PCDHGA9: variants seen among roughly 807,000 people sequenced by gnomAD.
The protein encoded by PCDHGA9 is protocadherin gamma-A9.
A neutral mutation model predicts 62.5 loss-of-function variants in PCDHGA9; 37 were observed. The observed-to-expected ratio is 0.59, with a 90% confidence interval of 0.46 to 0.78. The LOEUF is 0.78. Among genes scored for constraint, PCDHGA9 ranks in the 30% least tolerant of loss-of-function variants. PCDHGA9 has a pLI of 0.00. For missense variants in PCDHGA9, 1,138 were observed against 1,166.2 expected, an observed-to-expected ratio of 0.98 and a Z score of 0.35; for synonymous variants, 459 against 484.6, an observed-to-expected ratio of 0.95 and a Z score of 0.69.
intron 1 of PCDHGA9, among the ~76,000 whole-genome samples, chr5:141,437,228 A>C (rs1410620126): frequency 6.6e-6 from 1 of 152,228 alleles, no homozygotes; most frequent in Non-Finnish European, 1.5e-5. Context: ...CCAGTCATAA[A>C]ATTATGTCAA....
Position 141,476,735 on chromosome 5 carries a change from G to C in PCDHGA9, c.2425-18072G>C, listed in dbSNP as rs1267556668. The C allele has an allele frequency of 6.2e-7, 1 of 1,613,974 alleles. No individual in the cohort carries two copies. Among genetic ancestry groups the C allele is most frequent in the African/African-American group, 1.3e-5 (1 of 74,940 alleles). On this transcript the variant is annotated intron_variant, in intron 1 of 3. Coordinates refer to ENST00000573521, the MANE Select transcript of PCDHGA9 (RefSeq NM_018921.3). This position sits in a 1 kb window ranked among gnomAD's most constrained non-coding sequence, Gnocchi z 7.6. ...GGAGCGCGCCCTGGACCGAGAACGG[G>C]AGCCTAGTCTCCAGTTAGTGCTGAC...
rs367905789 is a variant in PCDHGA9 at position 141,487,335 on chromosome 5, G to A, written c.2425-7472G>A. 11 of 1,614,064 alleles carry A rather than the reference G, an allele frequency of 6.8e-6. No individual in the cohort carries two copies. The highest frequency in any genetic ancestry group is 8.5e-6 in the Non-Finnish European group (10 of 1,180,044). Reference sequence around the variant, plus strand: ...TCTAAGTGTCTTCGTGGGGCAGCCTGTGGAGTCACATGCTTTCCTGCTGGC... The same window carrying A: ...TCTAAGTGTCTTCGTGGGGCAGCCTATGGAGTCACATGCTTTCCTGCTGGC... On this transcript the variant is annotated intron_variant, in intron 1 of 3. Transcript: ENST00000573521. This position sits in a 1 kb window ranked among gnomAD's most constrained non-coding sequence, Gnocchi z 5.0.
chr5:141,495,973 A>C (rs2099764953), intron 2 of PCDHGA9, among the ~76,000 whole-genome samples: 1 of 146,988 alleles, frequency 6.8e-6, no homozygotes, highest in African/African-American at 2.5e-5. Context: ...TTTCTCTGTT[A>C]CTCTTTCTTT....
Position 141,408,306 on chromosome 5 carries a change from A to C in PCDHGA9, c.2424+2930A>C, listed in dbSNP as rs866086431. On this transcript the variant is annotated intron_variant, in intron 1 of 3. Transcript: ENST00000573521. Reference sequence around the variant, plus strand: ...CCCACCCTGAGTGAGCCGATCCGCTACTCGATTCCGGAGGAGCTGGCCAAG... The same window carrying C: ...CCCACCCTGAGTGAGCCGATCCGCTCCTCGATTCCGGAGGAGCTGGCCAAG... The C allele has an allele frequency of 1.2e-6, 2 of 1,613,586 alleles. No homozygotes were observed. Among genetic ancestry groups the C allele is most frequent in the South Asian group, 1.1e-5 (1 of 91,062 alleles).
chr5:141,474,407 G>A (rs1431210575), intron 1 of PCDHGA9, among the ~76,000 whole-genome samples: 2 of 152,230 alleles, frequency 1.3e-5, no homozygotes, highest in East Asian at 1.9e-4. Flanking sequence ...GCTCCCCGGT[G>A]ATGCCTAGAC....
In PCDHGA9 at chr5:141,409,436, C is replaced by T. The variant is rs368696166; in HGVS notation, c.2424+4060C>T. Reference sequence around the variant, plus strand: ...ACTGGTGACAGATGGAGCCCTGGACCGAGAGCAGACACCAGAATACAATGT... The same window carrying T: ...ACTGGTGACAGATGGAGCCCTGGACTGAGAGCAGACACCAGAATACAATGT... On this transcript the variant is annotated intron_variant, in intron 1 of 3. Transcript: ENST00000573521. 6 of 1,613,864 alleles carry T rather than the reference C, an allele frequency of 3.7e-6. 1 individual carries two copies. The highest frequency in any genetic ancestry group is 5.1e-6 in the Non-Finnish European group (6 of 1,179,900).
Position 141,418,036 on chromosome 5 carries a change from G to C in PCDHGA9, c.2424+12660G>C, listed in dbSNP as rs933500300. ...CTAAGGATCTAGGGCTTAGTGTCCT[G>C]GATGTGTCGGCTCGCGAGCTGCGAG... On this transcript the variant is annotated intron_variant, in intron 1 of 3. Coordinates refer to ENST00000573521, the MANE Select transcript of PCDHGA9 (RefSeq NM_018921.3). 3.7e-6 allele frequency: 6 copies of C among 1,613,902 alleles called. No individual in the cohort carries two copies. The African/African-American group carries it at 8.0e-5, about 22-fold the overall frequency.
rs775312856 is a variant in PCDHGA9, at chr5:141,485,899, C to G, written c.2425-8908C>G. 1.9e-6 allele frequency: 3 copies of G among 1,614,166 alleles called. No homozygotes were observed. Among genetic ancestry groups the G allele is most frequent in the Non-Finnish European group, 2.5e-6 (3 of 1,180,032 alleles). ...ACGTAAACGACAACGCCCCAGCCTT[C>G]CAGCAATCCAGCTACAGGATTAGTG... On this transcript the variant is annotated intron_variant, in intron 1 of 3. Transcript: ENST00000573521. The surrounding 1 kb of genome is among the most constrained non-coding windows in gnomAD (Gnocchi z 5.7).
At chr5:141,439,774 T>G (rs1435214431) in intron 1 of PCDHGA9, 2 of 152,364 alleles carry the variant, frequency 1.3e-5, no homozygotes, top group East Asian at 3.9e-4. Context: ...CCTTCTTGGC[T>G]GGAGATTCTA....
At chr5:141,500,615 A>G (rs1341597957) in intron 2 of PCDHGA9, among the ~76,000 whole-genome samples, 1 of 152,232 alleles carries the variant, frequency 6.6e-6, no homozygotes, top group East Asian at 1.9e-4. Flanking sequence ...ATTCCCAGTC[A>G]TACGGTACAT....
chr5:141,423,219 T>G (rs775170753), intron 1 of PCDHGA9: 4 of 1,613,752 alleles, frequency 2.5e-6, no homozygotes, highest in Non-Finnish European at 3.4e-6. Context: ...TCACCGTGGC[T>G]GTGGCCGACA....
At chr5:141,419,808 G>A in intron 1 of PCDHGA9, 2 of 1,614,066 alleles carry the variant, frequency 1.2e-6, no homozygotes, top group Non-Finnish European at 8.5e-7. Flanking sequence ...AGAGATGGAG[G>A]ACAGCCACCC....
At chr5:141,504,288 GT>G (rs1175142876) in intron 2 of PCDHGA9, among the ~76,000 whole-genome samples, 1 of 152,124 alleles carries the variant, frequency 6.6e-6, no homozygotes, top group Non-Finnish European at 1.5e-5. Flanking sequence ...ATCATTTCAT[GT>G]TTTTTCAACA....
In PCDHGA9 at chr5:141,432,198, AC is replaced by A. The variant is rs1345236539; in HGVS notation, c.2424+26823del. ...GTCTCTGTGACCGCCCACGACCCCG[AC>A]TGTGAAGAGAACGCCCAGATCACTT... is the stretch of plus-strand genomic sequence containing the variant. On this transcript the variant is annotated intron_variant, in intron 1 of 3. Coordinates refer to ENST00000573521, the MANE Select transcript of PCDHGA9 (RefSeq NM_018921.3). This position sits in a 1 kb window ranked among gnomAD's most constrained non-coding sequence, Gnocchi z 6.0. 6 of 1,613,998 alleles carry A rather than the reference AC, an allele frequency of 3.7e-6. No homozygotes were observed. Among genetic ancestry groups the A allele is most frequent in the Non-Finnish European group, 4.2e-6 (5 of 1,180,030 alleles).
intron 2 of PCDHGA9, among the ~76,000 whole-genome samples, chr5:141,501,290 TACACACACACACACACACACAC>T (rs55762287): frequency 1.4e-4 from 19 of 136,248 alleles, no homozygotes; most frequent in Admixed American, 1.1e-3. Context: ...TATTCCCTTA[TACACACACACACACACACACAC>T]ACACACACAC....
rs373446844 is a variant in PCDHGA9, at chr5:141,486,661, G to A, written c.2425-8146G>A. The A allele has an allele frequency of 3.1e-6, 5 of 1,613,836 alleles. No individual in the cohort carries two copies. In the African/African-American group the frequency reaches 4.0e-5, roughly 13 times the overall value. On this transcript the variant is annotated intron_variant, in intron 1 of 3. Transcript: ENST00000573521. The surrounding 1 kb of genome is among the most constrained non-coding windows in gnomAD (Gnocchi z 5.0). The stretch of plus-strand genomic sequence containing the variant: ...CGCTTATCTCCTACTCACTCCTGGA[G>A]CCCAGGAATCGAGATGTATCAGCTT...
At chr5:141,410,479 G>A in intron 1 of PCDHGA9, 2 of 1,613,956 alleles carry the variant, frequency 1.2e-6, no homozygotes, top group Non-Finnish European at 1.7e-6. Flanking sequence ...TTGCACATAC[G>A]GGTACAAAAG....
chr5:141,447,181 G>C (rs442221), intron 1 of PCDHGA9, among the ~76,000 whole-genome samples: 152,246 of 152,338 alleles, frequency 1, 76,078 homozygotes, highest in Middle Eastern at 1. Context: ...CTCTTGTCGC[G>C]CAGGCTGGAG....
chr5:141,421,697 A>T (rs750973568), intron 1 of PCDHGA9: 8 of 1,613,924 alleles, frequency 5.0e-6, no homozygotes, highest in Non-Finnish European at 6.8e-6. Context: ...GCTCTTCCTA[A>T]TGCTAGGGAT....
Sources: gnomAD v4.1 joint callset for allele counts (sites outside exome capture counted in the v4.1 genomes callset) on GRCh38, gnomAD v4.1.1 for gene constraint, Gnocchi (gnomAD v3.1) non-coding constraint, MANE v1.5 for transcripts, NCBI Gene and HGNC (gene_info 2026-07-23, HGNC 2026-07-21) for gene names.